Variants in SLC24A2 observed in about 807,000 individuals in gnomAD.
The protein encoded by SLC24A2 is solute carrier family 24 member 2, also known as sodium/potassium/calcium exchanger 2.
SLC24A2 carries 36 observed loss-of-function variants against 62.0 expected under a neutral mutation model. The ratio of observed to expected loss-of-function variants is 0.58; its 90% CI spans 0.44 to 0.77. The LOEUF (loss-of-function observed/expected upper bound fraction) is 0.77. Among genes scored for constraint, SLC24A2 ranks in the 30% least tolerant of loss-of-function variants. The pLI is 0.00. For synonymous variants in SLC24A2, 358 were observed against 294.0 expected (o/e 1.22, Z -2.23); for missense variants, 846 against 817.9 (o/e 1.03, Z -0.42).
the SLC24A2 span, among the ~76,000 whole-genome samples, chr9:20,179,099 C>T: frequency 5.9e-5 from 9 of 152,272 alleles, no homozygotes; most frequent in Non-Finnish European, 1.2e-4. Context: ...CATTTCCCAC[C>T]AGGTTTCCTA....
intron 8 of SLC24A2, among the ~76,000 whole-genome samples, chr9:19,546,326 A>C (rs1019170237): frequency 6.6e-6 from 1 of 152,074 alleles, no homozygotes; most frequent in African/African-American, 2.4e-5. Context: ...TCCCAGGGAG[A>C]TGGGGGTTTT....
chr9:19,879,141 C>T, the SLC24A2 span, among the ~76,000 whole-genome samples: 1 of 152,070 alleles, frequency 6.6e-6, no homozygotes, highest in Non-Finnish European at 1.5e-5. Flanking sequence ...GTCCCTTCCT[C>T]ATCTTTTACA....
chr9:20,170,567 C>A, the SLC24A2 span, among the ~76,000 whole-genome samples: 1 of 151,800 alleles, frequency 6.6e-6, no homozygotes, highest in East Asian at 1.9e-4. Context: ...TGCAGGTAAC[C>A]AAGGGAACAG....
chr9:19,881,547 G>A, the SLC24A2 span, among the ~76,000 whole-genome samples: 2 of 152,116 alleles, frequency 1.3e-5, no homozygotes, highest in African/African-American at 2.4e-5. Context: ...GATTATTTTG[G>A]TAAGGAACCC....
the SLC24A2 span, among the ~76,000 whole-genome samples, chr9:20,165,357 A>G: frequency 6.6e-6 from 1 of 151,920 alleles, no homozygotes; most frequent in African/African-American, 2.4e-5. Flanking sequence ...CTAGGAAAAT[A>G]ACTGAAAAGG....
chr9:19,703,612 A>T (rs924136048), intron 2 of SLC24A2, among the ~76,000 whole-genome samples: 3 of 152,220 alleles, frequency 2.0e-5, no homozygotes, highest in Non-Finnish European at 4.4e-5. Flanking sequence ...TTTCTGGAAG[A>T]AGCAAGATTA....
the SLC24A2 span, among the ~76,000 whole-genome samples, chr9:20,076,891 T>C: frequency 6.8e-6 from 1 of 146,168 alleles, no homozygotes; most frequent in African/African-American, 2.5e-5. Context: ...ACATATCATA[T>C]GTGTATATAT....
At chr9:20,043,419 G>A in the SLC24A2 span, among the ~76,000 whole-genome samples, 1 of 152,304 alleles carries the variant, frequency 6.6e-6, no homozygotes, top group South Asian at 2.1e-4. Flanking sequence ...GGTGATAGCT[G>A]CCATAGATAG....
At chr9:20,168,654 A>G in the SLC24A2 span, among the ~76,000 whole-genome samples, 1 of 152,004 alleles carries the variant, frequency 6.6e-6, no homozygotes, top group Non-Finnish European at 1.5e-5. Context: ...CAATGAGATA[A>G]CACTTTACAT....
the SLC24A2 span, among the ~76,000 whole-genome samples, chr9:19,977,058 A>G: frequency 2.6e-5 from 4 of 152,154 alleles, no homozygotes; most frequent in Admixed American, 2.6e-4. Flanking sequence ...TTTTACACAT[A>G]AAATAAGTTT....
intron 2 of SLC24A2, among the ~76,000 whole-genome samples, chr9:19,750,486 A>G (rs944105397): frequency 6.6e-5 from 10 of 152,050 alleles, no homozygotes; most frequent in African/African-American, 2.4e-4. Context: ...GCAACTAATC[A>G]AATGCCAATT....
At chr9:19,959,941 A>G in the SLC24A2 span, among the ~76,000 whole-genome samples, 9 of 152,362 alleles carry the variant, frequency 5.9e-5, no homozygotes, top group East Asian at 1.3e-3. Context: ...AAGTTGGGAT[A>G]AGGGTAACCA....
chr9:20,015,634 A>G, the SLC24A2 span, among the ~76,000 whole-genome samples: 1 of 152,238 alleles, frequency 6.6e-6, no homozygotes, highest in African/African-American at 2.4e-5. Flanking sequence ...TAGTACAAAA[A>G]TACTACAAGG....
the SLC24A2 span, among the ~76,000 whole-genome samples, chr9:20,099,606 C>T: frequency 1.1e-4 from 17 of 152,042 alleles, no homozygotes; most frequent in African/African-American, 3.6e-4. Flanking sequence ...AAAGGCCAGG[C>T]TCTAAACACT....
the SLC24A2 span, among the ~76,000 whole-genome samples, chr9:19,919,807 G>A: frequency 0.044 from 6,619 of 152,124 alleles, 250 homozygotes; most frequent in East Asian, 0.2. Flanking sequence ...TAAAACCATC[G>A]TATCTCATGA....
At chr9:19,600,264 C>A (rs543052006) in intron 4 of SLC24A2, among the ~76,000 whole-genome samples, 1 of 152,182 alleles carries the variant, frequency 6.6e-6, no homozygotes. Flanking sequence ...TTCATGCCAC[C>A]GTGGTGGAGC....
At chr9:19,605,952 C>T (rs1403123599) in intron 4 of SLC24A2, among the ~76,000 whole-genome samples, 1 of 152,220 alleles carries the variant, frequency 6.6e-6, no homozygotes, top group Non-Finnish European at 1.5e-5. Flanking sequence ...CAGTAACTAA[C>T]TCTGCTACTT....
chr9:19,991,773 C>T, the SLC24A2 span, among the ~76,000 whole-genome samples: 11 of 151,962 alleles, frequency 7.2e-5, no homozygotes, highest in South Asian at 2.1e-4. Flanking sequence ...ATTTATTTTT[C>T]GGAAAATAAG....
At chr9:19,815,635 C>T in the SLC24A2 span, among the ~76,000 whole-genome samples, 2 of 152,114 alleles carry the variant, frequency 1.3e-5, no homozygotes, top group African/African-American at 2.4e-5. Flanking sequence ...CACAAATCCA[C>T]AAACTTTTGC....
Sources: allele counts gnomAD v4.1 joint callset (sites outside exome capture counted in the v4.1 genomes callset), GRCh38; gene constraint gnomAD v4.1.1; transcripts MANE v1.5; gene names NCBI Gene and HGNC (gene_info 2026-07-23, HGNC 2026-07-21).